The following RNF44 variants were observed in gnomAD, a reference collection of about 807,000 sequenced individuals.
RNF44 encodes the protein ring finger protein 44.
In RNF44, 25 loss-of-function variants were observed where a neutral mutation model predicts 53.6. That is an observed-to-expected ratio of 0.47 (90% confidence interval 0.34 to 0.65). The LOEUF (loss-of-function observed/expected upper bound fraction) is 0.65. Among genes scored for constraint, RNF44 ranks in the 30% least tolerant of loss-of-function variants. The pLI is 0.01. For missense variants in RNF44, 581 were observed against 595.5 expected (o/e 0.98, Z 0.25); for synonymous variants, 282 against 252.2 (o/e 1.12, Z -1.12).
chr5:176,532,610 G>A, intron 1 of RNF44, 94 bp from the exon 2 acceptor site: 1 of 1,089,224 alleles, frequency 9.2e-7, no homozygotes, highest in Non-Finnish European at 1.3e-6. Flanking sequence ...AGGCATGGTG[G>A]TGGACACCTG....
At position 176,532,348 on chromosome 5, in the gene RNF44, T is replaced by G; in HGVS notation, c.107+18A>C. 6.3e-7 allele frequency: 1 copy of G among 1,598,698 alleles called. No homozygotes were observed. Among genetic ancestry groups the G allele is most frequent in the South Asian group, 1.1e-5 (1 of 89,036 alleles). On this transcript the variant is annotated intron_variant, in intron 2 of 10. Transcript: ENST00000274811. ...GGCCCCCATGCCCCAGCACCAGGAC[T>G]GGGAGGCTCCTTCCTACCTTCCCCA...
In RNF44 at chr5:176,528,835, G is replaced by A. The variant is rs189245469; in HGVS notation, c.*193C>T. On this transcript the variant is annotated 3_prime_UTR_variant, in exon 11 of 11. Coordinates refer to ENST00000274811, the MANE Select transcript of RNF44 (RefSeq NM_014901.5). ...GGCAGGCAGGCAGACTAGGGAGGGA[G>A]TCTTTGGAGCTTGGCAAATGCAGGG... 1.6e-5 allele frequency: 10 copies of A among 613,202 alleles called. No homozygotes were observed. The East Asian group carries it at 1.7e-4, about 10-fold the overall frequency. 38.0% of individuals were successfully genotyped at this position (613,202 alleles called of 1,614,324 possible). A position where few individuals can be genotyped will look rare whatever the true frequency, so the allele number is the denominator to read the frequency against.
chr5:176,529,243 G>A (rs372717126), intron 10 of RNF44, 45 bp downstream of exon 10: 60 of 1,575,986 alleles, frequency 3.8e-5, no homozygotes, highest in South Asian at 1.6e-4. Context: ...CCATCCCCCC[G>A]TCACTGCATG....
chr5:176,532,747 C>CAAAA (rs3051911), intron 1 of RNF44, among the ~76,000 whole-genome samples: 4,443 of 72,514 alleles, frequency 0.061, 333 homozygotes, highest in Middle Eastern at 0.11. Context: ...ACTCCCGTCT[C>CAAAA]AAAAAAAAAA....
In RNF44 at chr5:176,532,091, G is replaced by A. The variant is rs753631687; in HGVS notation, c.210C>T (p.Arg70=). 1.2e-6 allele frequency: 2 copies of A among 1,603,022 alleles called. No individual in the cohort carries two copies. The highest frequency in any genetic ancestry group is 1.7e-6 in the Non-Finnish European group (2 of 1,175,334). The change falls in exon 3 of 11, where the codon CGC becomes CGT. Residue 70 remains arginine, a synonymous_variant. Transcript: ENST00000274811. ...SRPPHLPVEE[R]RASAPAGGSP... is the part of the protein sequence containing the mutation. The stretch of plus-strand genomic sequence containing the variant: ...TCCCGCCGGCAGGAGCCGAGGCTCG[G>A]CGCTCCTCTACGGGGAGGTGTGGAG...
intron 1 of RNF44, among the ~76,000 whole-genome samples, 184 bp downstream of exon 1, chr5:176,536,756 C>A (rs944719867): frequency 6.8e-6 from 1 of 147,346 alleles, no homozygotes; most frequent in Non-Finnish European, 1.5e-5. Flanking sequence ...AGGGGAGATA[C>A]GGCCCGGCCA....
In RNF44 at chr5:176,530,665, C is replaced by T. The variant is rs760191062; in HGVS notation, c.718G>A (p.Ala240Thr). The T allele has an allele frequency of 5.2e-6, 8 of 1,535,540 alleles. No individual in the cohort carries two copies. Among genetic ancestry groups the T allele is most frequent in the South Asian group, 1.2e-5 (1 of 81,586 alleles). ...GACGGGGAAAGGGCTGGGCCAGGCG[C>T]AGAGGTGGAGTAGGTGAAGCTGCCC... is the stretch of plus-strand genomic sequence containing the variant. ...SLGSFTYSTS[A>T]PGPALSPSVP... The change falls in exon 6 of 11, where the codon GCG becomes ACG. Residue 240 changes from alanine (A) to threonine (T), a missense_variant. This residue lies in a region of RNF44 where 387 missense variants were observed against 366.0 expected (regional missense o/e 1.06). Transcript: ENST00000274811.
At chr5:176,538,933 A>G (rs186954498), upstream of RNF44, among the ~76,000 whole-genome samples, 4 of 152,234 alleles carry the variant, frequency 2.6e-5, no homozygotes, top group African/African-American at 7.2e-5. Context: ...AGACTATTGT[A>G]TATATTGCAC....
Position 176,530,746 on chromosome 5 carries a change from G to A in RNF44, c.640-3C>T. The A allele has an allele frequency of 6.5e-7, 1 of 1,531,256 alleles. No individual in the cohort carries two copies. The highest frequency in any genetic ancestry group is 8.8e-7 in the Non-Finnish European group (1 of 1,142,288). 94.9% of individuals were successfully genotyped at this position (1,531,256 alleles called of 1,614,324 possible). On this transcript the variant is annotated splice_polypyrimidine_tract_variant and splice_region_variant and intron_variant, in intron 5 of 10. Coordinates refer to ENST00000274811, the MANE Select transcript of RNF44 (RefSeq NM_014901.5). ...TCGTTGTCGAGCCGCTGGAGGGGCTGGAAGAACCAGCGCCGGGTCAGCAAG... is the reference window on the plus strand; with the variant it reads ...TCGTTGTCGAGCCGCTGGAGGGGCTAGAAGAACCAGCGCCGGGTCAGCAAG...
At chr5:176,538,140 A>T (rs994694615), upstream of RNF44, 1 of 152,168 alleles carries the variant, frequency 6.6e-6, no homozygotes, top group African/African-American at 2.4e-5. Context: ...GTTTAAAGCA[A>T]AAGTGCAGGC....
At chr5:176,532,300 G>A (rs1756759731) in intron 2 of RNF44, 66 bp downstream of exon 2, 2 of 1,535,434 alleles carry the variant, frequency 1.3e-6, no homozygotes, top group Admixed American at 2.0e-5. Flanking sequence ...AGGCAGCTCA[G>A]GGCCCTGCGC....
In RNF44 at chr5:176,529,569, G is replaced by A. The variant is rs758951847; in HGVS notation, c.1090C>T (p.Pro364Ser). The A allele has an allele frequency of 5.0e-6, 8 of 1,614,048 alleles. No homozygotes were observed. Among genetic ancestry groups the A allele is most frequent in the Non-Finnish European group, 6.8e-6 (8 of 1,180,022 alleles). The change falls in exon 9 of 11, where the codon CCG becomes TCG. Residue 364 changes from proline to serine, a missense_variant. Pro to Ser is a moderately conservative substitution (Grantham distance 74, BLOSUM62 -1). Coordinates refer to ENST00000274811, the MANE Select transcript of RNF44 (RefSeq NM_014901.5). Reference protein sequence around the residue: ...GLTKADIEQLPSYRFNPDSHQ... With the variant: ...GLTKADIEQLSSYRFNPDSHQ... ...CTGTCCGGGTTAAAGCGGTACGACG[G>A]GAGCTGCTCTATGTCTGCTTTGGTG...
intron 1 of RNF44, among the ~76,000 whole-genome samples, chr5:176,534,915 T>C (rs1172017148): frequency 3.3e-5 from 5 of 152,194 alleles, no homozygotes; most frequent in Non-Finnish European, 1.5e-5. Flanking sequence ...CTGCTCCTCT[T>C]ATGTCAGGAT....
intron 1 of RNF44, chr5:176,535,963 C>G (rs1437411533): frequency 1.3e-5 from 2 of 152,300 alleles, no homozygotes. Context: ...GAGAGCCGGC[C>G]AACCCCTTAA....
rs774970730 is a variant in RNF44 at position 176,532,184 on chromosome 5, G to A, written c.117C>T (p.Leu39=). 25 of 1,529,232 alleles carry A rather than the reference G, an allele frequency of 1.6e-5. No individual in the cohort carries two copies. Among genetic ancestry groups the A allele is most frequent in the South Asian group, 5.0e-5 (4 of 79,448 alleles). 94.7% of individuals were successfully genotyped at this position (1,529,232 alleles called of 1,614,324 possible). A position where few individuals can be genotyped will look rare whatever the true frequency, so the allele number is the denominator to read the frequency against. Residue 39 remains leucine, a synonymous_variant, in exon 3 of 11, where the codon CTC becomes CTT. Coordinates refer to ENST00000274811, the MANE Select transcript of RNF44 (RefSeq NM_014901.5). The part of the protein sequence containing the change: ...TPGQLWGSPG[L]EGPLASPPAR... ...CAGGCGGGCTGGCCAGGGGGCCCTC[G>A]AGGCCAGGGCTGCACCACAGAGAGG...
intron 10 of RNF44, 59 bp downstream of exon 10, chr5:176,529,229 C>A (rs1756326753): frequency 6.4e-7 from 1 of 1,565,452 alleles, no homozygotes; most frequent in South Asian, 1.1e-5. Context: ...CAGCCCAGGC[C>A]AGCCCATCCC....
In RNF44 at chr5:176,531,651, G is replaced by C. The variant is rs373022526; in HGVS notation, c.298-21C>G. On this transcript the variant is annotated intron_variant, in intron 3 of 10. Transcript: ENST00000274811. The surrounding 1 kb of genome is among the most constrained non-coding windows in gnomAD (Gnocchi z 4.2). ...TGCACCTGTGGGTGGAGAGAACGCC[G>C]GGAAAGTATGAAAAGGAAGCTGACC... 2 of 1,589,512 alleles carry C rather than the reference G, an allele frequency of 1.3e-6. No individual in the cohort carries two copies. Among genetic ancestry groups the C allele is most frequent in the Admixed American group, 1.8e-5 (1 of 56,750 alleles).
At chr5:176,533,510 G>A (rs950067458) in intron 1 of RNF44, among the ~76,000 whole-genome samples, 1 of 152,184 alleles carries the variant, frequency 6.6e-6, no homozygotes, top group African/African-American at 2.4e-5. Context: ...CCGACGGAGA[G>A]GACCAGCCCC....
chr5:176,530,909 T>TGGGGGGGCG lies in RNF44; in HGVS notation c.577_578insCGCCCCCCC (p.Pro190_Pro192dup). ...CCCCAGGGGCGCCATGTGGGTGGGC[T>TGGGGGGGCG]GGGGGGGTGGGGCCGGTGGTGGGGG... On this transcript the variant is annotated inframe_insertion, in exon 5 of 11. Transcript: ENST00000274811. 9.6e-6 allele frequency: 1 copy of TGGGGGGGCG among 104,570 alleles called. No individual in the cohort carries two copies. 6.5% of individuals were successfully genotyped at this position (104,570 alleles called of 1,614,324 possible).
Sources: allele counts gnomAD v4.1 joint callset (sites outside exome capture counted in the v4.1 genomes callset), GRCh38; gene constraint gnomAD v4.1.1; regional missense constraint gnomAD v4.1.1; non-coding constraint Gnocchi (gnomAD v3.1); transcripts MANE v1.5; gene names NCBI Gene and HGNC (gene_info 2026-07-23, HGNC 2026-07-21).